The following OSBPL9 variants were observed in gnomAD, a reference collection of about 807,000 sequenced individuals.
The protein encoded by OSBPL9 is oxysterol binding protein like 9, also known as oxysterol-binding protein-related protein 9.
OSBPL9 carries 40 observed loss-of-function variants against 106.6 expected under a neutral mutation model. That is an observed-to-expected ratio of 0.38 (90% CI 0.29 to 0.49). The LOEUF is 0.49. OSBPL9 is among the 20% of genes least tolerant of loss of function. OSBPL9 has a pLI of 0.97. For synonymous variants in OSBPL9, 269 were observed against 295.4 expected (o/e 0.91, Z 0.92); for missense variants, 609 against 887.2 (o/e 0.69, Z 3.98).
chr1:51,773,900 C>G (rs1033800031), intron 14 of OSBPL9, among the ~76,000 whole-genome samples: 1 of 152,012 alleles, frequency 6.6e-6, no homozygotes, highest in African/African-American at 2.4e-5. Flanking sequence ...GAGTTTGTCC[C>G]CGGAATTGCT....
intron 4 of OSBPL9, among the ~76,000 whole-genome samples, chr1:51,720,090 A>G (rs1161254433): frequency 2.6e-5 from 4 of 152,200 alleles, no homozygotes; most frequent in Admixed American, 1.3e-4. Flanking sequence ...TGTCACTTCT[A>G]TGACAAGTAG....
chr1:51,637,806 AAGC>A (rs1482490782), intron 1 of OSBPL9, among the ~76,000 whole-genome samples: 1 of 152,252 alleles, frequency 6.6e-6, no homozygotes, highest in East Asian at 1.9e-4. Context: ...GCCAAATTAT[AAGC>A]AGCATCAGAC....
At chr1:51,771,250 A>G (rs1470738806) in intron 12 of OSBPL9, among the ~76,000 whole-genome samples, 2 of 152,244 alleles carry the variant, frequency 1.3e-5, no homozygotes, top group African/African-American at 4.8e-5. Context: ...GTACTGTTTT[A>G]TAAATATCTA....
At chr1:51,652,132 T>G in intron 2 of OSBPL9, 91 bp downstream of exon 2, 1 of 972,014 alleles carries the variant, frequency 1.0e-6, no homozygotes, top group Admixed American at 2.6e-5. Context: ...TAGTTTAGCT[T>G]CCTTACATAA....
At chr1:51,758,728 T>TG (rs1315628511) in intron 9 of OSBPL9, among the ~76,000 whole-genome samples, 1 of 152,170 alleles carries the variant, frequency 6.6e-6, no homozygotes, top group Non-Finnish European at 1.5e-5. Flanking sequence ...TTCCCTTCAG[T>TG]GGGAGGGGTA....
chr1:51,529,909 C>T, the OSBPL9 span, among the ~76,000 whole-genome samples: 2 of 151,664 alleles, frequency 1.3e-5, no homozygotes, highest in East Asian at 1.9e-4. Flanking sequence ...CGGTGGCTCA[C>T]GCCTGTAAAC....
At chr1:51,581,093 AT>A (rs539655452) in intron 1 of OSBPL9, among the ~76,000 whole-genome samples, 284 of 138,428 alleles carry the variant, frequency 2.1e-3, no homozygotes, top group Middle Eastern at 0.018. Context: ...TAATTTTTGT[AT>A]TTTTTTTTTT....
chr1:51,547,159 A>T, the OSBPL9 span, among the ~76,000 whole-genome samples: 1 of 152,248 alleles, frequency 6.6e-6, no homozygotes, highest in Non-Finnish European at 1.5e-5. Context: ...TATATCCCAA[A>T]GAAATTCTTA....
At chr1:51,711,898 G>C (rs1557724471) in intron 3 of OSBPL9, among the ~76,000 whole-genome samples, 1 of 151,202 alleles carries the variant, frequency 6.6e-6, no homozygotes, top group Non-Finnish European at 1.5e-5. Flanking sequence ...ATGGGATGGC[G>C]GCCGGGCAGA....
At chr1:51,655,122 A>G (rs1398974858) in intron 2 of OSBPL9, among the ~76,000 whole-genome samples, 1 of 152,182 alleles carries the variant, frequency 6.6e-6, no homozygotes, top group Non-Finnish European at 1.5e-5. Flanking sequence ...AAACACCCAT[A>G]TATTTCACAG....
At chr1:51,604,244 C>T (rs972738713) in intron 2 of OSBPL9, among the ~76,000 whole-genome samples, 1 of 152,174 alleles carries the variant, frequency 6.6e-6, no homozygotes, top group Non-Finnish European at 1.5e-5. Context: ...GCCTCTACCA[C>T]TTCATTTTAC....
At chr1:51,764,128 T>C (rs2149078053) in intron 11 of OSBPL9, among the ~76,000 whole-genome samples, 1 of 152,310 alleles carries the variant, frequency 6.6e-6, no homozygotes, top group South Asian at 2.1e-4. Flanking sequence ...TTCTTTCCCT[T>C]ACTTCTCTTG....
At chr1:51,606,531 T>A (rs532116167) in intron 2 of OSBPL9, among the ~76,000 whole-genome samples, 1 of 152,220 alleles carries the variant, frequency 6.6e-6, no homozygotes. Flanking sequence ...GACTTCTGGT[T>A]GGCACAGAAG....
At chr1:51,541,709 A>G in the OSBPL9 span, among the ~76,000 whole-genome samples, 1 of 152,168 alleles carries the variant, frequency 6.6e-6, no homozygotes, top group African/African-American at 2.4e-5. Context: ...GGTGACTGAT[A>G]TTTGAGCAAA....
At chr1:51,782,484 C>G in intron 16 of OSBPL9, 75 bp from the exon 17 acceptor site, 6 of 1,155,770 alleles carry the variant, frequency 5.2e-6, no homozygotes, top group East Asian at 5.4e-5. Flanking sequence ...CGAGCAGAGA[C>G]CCCAATTACC....
the OSBPL9 span, among the ~76,000 whole-genome samples, chr1:51,532,288 C>A: frequency 6.6e-6 from 1 of 151,964 alleles, no homozygotes; most frequent in African/African-American, 2.4e-5. Context: ...TTAAGGTGAG[C>A]AATAATGCAG....
chr1:51,639,158 A>C (rs2148669751), intron 1 of OSBPL9, among the ~76,000 whole-genome samples: 1 of 152,324 alleles, frequency 6.6e-6, no homozygotes, highest in African/African-American at 2.4e-5. Context: ...CTAATATCCC[A>C]ATCAAAATAT....
the OSBPL9 span, among the ~76,000 whole-genome samples, chr1:51,570,633 A>G: frequency 6.6e-6 from 1 of 152,208 alleles, no homozygotes; most frequent in African/African-American, 2.4e-5. Context: ...CTATTATTCC[A>G]TGCTGCTGCC....
At chr1:51,672,538 A>G (rs1204543551) in intron 3 of OSBPL9, among the ~76,000 whole-genome samples, 1 of 151,010 alleles carries the variant, frequency 6.6e-6, no homozygotes, top group Non-Finnish European at 1.5e-5. Context: ...GCTTTCTATC[A>G]TTGTAGAATA....
Sources: allele counts gnomAD v4.1 joint callset (sites outside exome capture counted in the v4.1 genomes callset), GRCh38; gene constraint gnomAD v4.1.1; transcripts MANE v1.5; gene names NCBI Gene and HGNC (gene_info 2026-07-23, HGNC 2026-07-21).